Variants in RSPO2 observed in about 807,000 individuals in gnomAD.
RSPO2 encodes R-spondin 2.
A neutral mutation model predicts 30.9 loss-of-function variants in RSPO2; 14 were observed. The observed-to-expected ratio is 0.45, with a 90% confidence interval of 0.30 to 0.71. The LOEUF is 0.71. Among genes scored for constraint, RSPO2 ranks in the 30% least tolerant of loss-of-function variants. The probability of loss-of-function intolerance (pLI) is 0.08; values close to 1 mark genes in which losing one functional copy is unlikely to be tolerated. For missense variants in RSPO2, 264 were observed against 301.9 expected, an observed-to-expected ratio of 0.87 and a Z score of 0.93; for synonymous variants, 107 against 96.4, an observed-to-expected ratio of 1.11 and a Z score of -0.64.
At chr8:107,994,620 T>G (rs1426348371) in intron 2 of RSPO2, among the ~76,000 whole-genome samples, 1 of 152,128 alleles carries the variant, frequency 6.6e-6, no homozygotes, top group East Asian at 1.9e-4. Flanking sequence ...TCTAAAATAT[T>G]AAAAATTCAT....
intron 3 of RSPO2, among the ~76,000 whole-genome samples, chr8:107,976,999 T>G (rs1406624142): frequency 1.3e-5 from 2 of 152,018 alleles, no homozygotes; most frequent in Admixed American, 6.6e-5. Flanking sequence ...AAACATGGTA[T>G]GAGAAAGTGT....
At chr8:108,026,042 T>C (rs1811204758) in intron 2 of RSPO2, among the ~76,000 whole-genome samples, 1 of 152,146 alleles carries the variant, frequency 6.6e-6, no homozygotes, top group Non-Finnish European at 1.5e-5. Flanking sequence ...CAAGAAACCT[T>C]AACATAGTGA....
chr8:107,991,658 G>T (rs1003726724), intron 2 of RSPO2, among the ~76,000 whole-genome samples: 3 of 152,036 alleles, frequency 2.0e-5, no homozygotes, highest in African/African-American at 7.2e-5. Flanking sequence ...TCTGACAAAG[G>T]TCTAATATTT....
chr8:108,019,391 T>A (rs553920746), intron 2 of RSPO2, among the ~76,000 whole-genome samples: 8 of 151,842 alleles, frequency 5.3e-5, no homozygotes, highest in African/African-American at 1.9e-4. Flanking sequence ...AAAAATAAAA[T>A]TCACACATAC....
chr8:108,013,922 A>G (rs1326506905), intron 2 of RSPO2, among the ~76,000 whole-genome samples: 1 of 152,212 alleles, frequency 6.6e-6, no homozygotes, highest in Non-Finnish European at 1.5e-5. Flanking sequence ...CAATCTACAG[A>G]ATAGGAGAAA....
At chr8:107,986,090 A>AG (rs1243682508) in intron 3 of RSPO2, among the ~76,000 whole-genome samples, 3 of 152,216 alleles carry the variant, frequency 2.0e-5, no homozygotes, top group Admixed American at 6.5e-5. Context: ...TTTAAGGAAG[A>AG]GAAAAGTGGA....
chr8:107,914,461 GT>G, intron 5 of RSPO2, among the ~76,000 whole-genome samples: 1 of 138,698 alleles, frequency 7.2e-6, no homozygotes, highest in South Asian at 2.4e-4. Flanking sequence ...CACAGAATAG[GT>G]AAAAAAAAAA....
intron 5 of RSPO2, among the ~76,000 whole-genome samples, chr8:107,914,479 C>A (rs972724269): frequency 6.7e-6 from 1 of 149,808 alleles, no homozygotes; most frequent in African/African-American, 2.4e-5. Context: ...AAAAAAATAC[C>A]TTTTAACATT....
intron 5 of RSPO2, among the ~76,000 whole-genome samples, chr8:107,935,805 C>T (rs2130359250): frequency 8.9e-6 from 1 of 112,848 alleles, no homozygotes; most frequent in South Asian, 3.4e-4. Flanking sequence ...GCAAATGGTG[C>T]AGACACCATT....
At chr8:107,912,426 A>C (rs1316047981) in intron 5 of RSPO2, among the ~76,000 whole-genome samples, 1 of 152,174 alleles carries the variant, frequency 6.6e-6, no homozygotes, top group Non-Finnish European at 1.5e-5. Flanking sequence ...GCAAGCAAGC[A>C]GAAATTAAGC....
At chr8:107,979,544 AG>A (rs1319222209) in intron 3 of RSPO2, among the ~76,000 whole-genome samples, 2 of 152,246 alleles carry the variant, frequency 1.3e-5, no homozygotes, top group South Asian at 2.1e-4. Context: ...GGTAGCGGGA[AG>A]GGGGAGGGAT....
intron 2 of RSPO2, among the ~76,000 whole-genome samples, chr8:108,060,487 A>G (rs1032390928): frequency 2.0e-5 from 3 of 151,798 alleles, no homozygotes; most frequent in Admixed American, 2.0e-4. Flanking sequence ...TAGAGAAAAA[A>G]AGAGTGAAAA....
rs1214430677 is a variant in RSPO2, at chr8:107,979,427, A to G, written c.283+9629T>C. On this transcript the variant is annotated intron_variant, in intron 3 of 5. Transcript: ENST00000276659. ...ACCATCATTCTCAGCAAACTATCAC[A>G]AGGACCAAAAACCAAACACCGTGTG... Among the ~76,000 whole-genome samples, 4 of 152,164 alleles carry G rather than the reference A, an allele frequency of 2.6e-5. No individual in the cohort carries two copies. In the East Asian group the frequency reaches 7.7e-4, roughly 29 times the overall value.
intron 3 of RSPO2, among the ~76,000 whole-genome samples, chr8:107,972,777 C>T (rs1012656007): frequency 3.3e-5 from 5 of 152,088 alleles, no homozygotes; most frequent in African/African-American, 7.2e-5. Flanking sequence ...TACTAGGATG[C>T]TATTATTCCA....
In RSPO2 at chr8:107,899,544, G is replaced by GT. The variant is rs1811374260; in HGVS notation, c.*1530dup. The GT allele has an allele frequency of 6.6e-6, 1 of 152,252 alleles. No homozygotes were observed. Among genetic ancestry groups the GT allele is most frequent in the African/African-American group, 2.4e-5 (1 of 41,310 alleles). The allele number at this position is 152,252 out of a possible 1,614,324, so 9.4% of individuals were successfully genotyped here. A position where few individuals can be genotyped will look rare whatever the true frequency, so the allele number is the denominator to read the frequency against. ...CTCATAGCAATATTTTCATAACGAT[G>GT]TATATGATATTTATCCTTATTGGTA... On this transcript the variant is annotated 3_prime_UTR_variant, in exon 6 of 6. Coordinates refer to ENST00000276659, the MANE Select transcript of RSPO2 (RefSeq NM_178565.5).
chr8:108,018,693 GGATA>G (rs1232800003), intron 2 of RSPO2, among the ~76,000 whole-genome samples: 2 of 152,026 alleles, frequency 1.3e-5, no homozygotes, highest in African/African-American at 2.4e-5. Context: ...TAGAAAATCT[GGATA>G]AATATTAAAA....
At chr8:107,992,485 T>G (rs557743419) in intron 2 of RSPO2, among the ~76,000 whole-genome samples, 20 of 152,270 alleles carry the variant, frequency 1.3e-4, no homozygotes, top group African/African-American at 4.8e-4. Flanking sequence ...GATGAAATTA[T>G]CTGTACAGAA....
rs79635840 is a variant in RSPO2, at chr8:108,024,038, T to C, written c.95-34794A>G. On this transcript the variant is annotated intron_variant, in intron 2 of 5. Coordinates refer to ENST00000276659, the MANE Select transcript of RSPO2 (RefSeq NM_178565.5). Reference sequence around the variant, plus strand: ...AAATTACTAAAATTTCATGGTGTGTTGTCCAAATACGGTGTGTCCCTGTAT... The same window carrying C: ...AAATTACTAAAATTTCATGGTGTGTCGTCCAAATACGGTGTGTCCCTGTAT... Among the ~76,000 whole-genome samples the C allele has an allele frequency of 9.1e-3, 1,384 of 152,278 alleles. 14 individuals are homozygous for C. Among genetic ancestry groups the C allele is most frequent in the East Asian group, 0.031 (158 of 5,180 alleles).
chr8:108,045,568 G>A (rs1314656803), intron 2 of RSPO2, among the ~76,000 whole-genome samples: 1 of 152,082 alleles, frequency 6.6e-6, no homozygotes, highest in African/African-American at 2.4e-5. Context: ...GATACATTCA[G>A]GAGTATAAAG....
Sources: gnomAD v4.1 joint callset for allele counts (sites outside exome capture counted in the v4.1 genomes callset) on GRCh38, gnomAD v4.1.1 for gene constraint, MANE v1.5 for transcripts, NCBI Gene and HGNC (gene_info 2026-07-23, HGNC 2026-07-21) for gene names.